The following KAZN variants were observed in gnomAD, a reference collection of about 807,000 sequenced individuals.
KAZN encodes the protein kazrin.
KAZN carries 40 observed loss-of-function variants against 87.4 expected under a neutral mutation model. The ratio of observed to expected loss-of-function variants is 0.46; its 90% CI spans 0.36 to 0.60. KAZN has a LOEUF of 0.60. Ranked by LOEUF, KAZN falls within the 20% of genes least tolerant of loss-of-function variation. The pLI is 0.00. For missense variants in KAZN, 898 were observed against 1,073.9 expected (o/e 0.84, Z 2.29); for synonymous variants, 466 against 458.3 (o/e 1.02, Z -0.22).
At chr1:14,389,458 C>A (rs1344634527) in intron 2 of KAZN, among the ~76,000 whole-genome samples, 2 of 147,934 alleles carry the variant, frequency 1.4e-5, no homozygotes, top group Non-Finnish European at 3.0e-5. Context: ...AACCTATATT[C>A]ATCAACAGAT....
intron 2 of KAZN, among the ~76,000 whole-genome samples, chr1:14,529,774 C>T (rs146243785): frequency 1.8e-4 from 28 of 152,304 alleles, no homozygotes; most frequent in Admixed American, 9.2e-4. Flanking sequence ...TGCTCAGGCA[C>T]GGACCAGGGC....
rs530822555 is a variant in KAZN, at chr1:14,325,763, A to G, written c.249+145171A>G. On this transcript the variant is annotated intron_variant, in intron 2 of 16. Transcript: ENST00000636203. ...CCAAGAGAAATAACAATAAGGAAAA[A>G]TGAGCAAAGCCTAAAAATTATTATA... 2.8e-4 allele frequency among the ~76,000 whole-genome samples: 43 copies of G among 152,328 alleles called. 1 individual carries two copies. The highest frequency in any genetic ancestry group is 9.6e-4 in the African/African-American group (40 of 41,584).
In KAZN at chr1:14,599,244, A is replaced by G. The variant is rs777659624; in HGVS notation, c.226+21A>G. On this transcript the variant is annotated intron_variant, in intron 1 of 14. Transcript: ENST00000376030. This position sits in a 1 kb window ranked among gnomAD's most constrained non-coding sequence, Gnocchi z 4.4. Reference sequence around the variant, plus strand: ...GCAAGGTAGGATCGCCCCGGCGCCCAGGGCGGAGGAAGGCGAGCAGAGCAC... The same window carrying G: ...GCAAGGTAGGATCGCCCCGGCGCCCGGGGCGGAGGAAGGCGAGCAGAGCAC... 15 of 1,350,634 alleles carry G rather than the reference A, an allele frequency of 1.1e-5. No individual in the cohort carries two copies. In the Admixed American group the frequency reaches 1.9e-4, roughly 18 times the overall value. The allele number at this position is 1,350,634 out of a possible 1,614,324, so 83.7% of individuals were successfully genotyped here.
chr1:14,853,363 G>A (rs1215739606), intron 1 of KAZN, among the ~76,000 whole-genome samples: 1 of 152,142 alleles, frequency 6.6e-6, no homozygotes, highest in African/African-American at 2.4e-5. Flanking sequence ...CCTGCCCAAT[G>A]TTACCTCGTG....
intron 2 of KAZN, among the ~76,000 whole-genome samples, chr1:14,508,642 CG>C (rs1251500164): frequency 1.3e-5 from 2 of 152,108 alleles, no homozygotes; most frequent in Non-Finnish European, 2.9e-5. Flanking sequence ...CAAGAGTTGC[CG>C]TAAGTGGAGG....
At chr1:14,641,786 C>T (rs1038217599) in intron 1 of KAZN, among the ~76,000 whole-genome samples, 1 of 152,206 alleles carries the variant, frequency 6.6e-6, no homozygotes, top group African/African-American at 2.4e-5. Flanking sequence ...ACACCAAAAG[C>T]ACAACTCATG....
rs1557563326 is a variant in KAZN, at chr1:14,860,119, C to CTT, written c.227-100565_227-100564insTT. Among the ~76,000 whole-genome samples the CTT allele has an allele frequency of 7.2e-5, 11 of 151,770 alleles. No individual in the cohort carries two copies. The East Asian group carries it at 1.4e-3, about 19-fold the overall frequency. On this transcript the variant is annotated intron_variant, in intron 1 of 14. Coordinates refer to ENST00000376030, the MANE Select transcript of KAZN (RefSeq NM_201628.3). ...CAGGAATAGGCCTTTTTCCTTCCTT[C>CTT]CTTCTTCCTTCCTTCCTTTCTTCCT... is the stretch of plus-strand genomic sequence containing the variant.
intron 2 of KAZN, among the ~76,000 whole-genome samples, chr1:14,335,445 C>T (rs937918242): frequency 7.2e-5 from 11 of 152,060 alleles, no homozygotes; most frequent in South Asian, 4.2e-4. Context: ...TCAGGTGATC[C>T]GTCCACCTCA....
chr1:14,502,028 ATTAG>A (rs1245170791), intron 2 of KAZN, among the ~76,000 whole-genome samples: 1 of 152,214 alleles, frequency 6.6e-6, no homozygotes, highest in Non-Finnish European at 1.5e-5. Flanking sequence ...AAGTTTTGAA[ATTAG>A]TTAGTGGTGA....
At chr1:14,942,409 G>T (rs1267200372) in intron 1 of KAZN, among the ~76,000 whole-genome samples, 4 of 152,210 alleles carry the variant, frequency 2.6e-5, no homozygotes, top group African/African-American at 9.6e-5. Context: ...GCAGGAGAAG[G>T]CTGACTTAGA....
At chr1:14,147,569 G>T (rs1645379292) in intron 1 of KAZN, among the ~76,000 whole-genome samples, 1 of 152,086 alleles carries the variant, frequency 6.6e-6, no homozygotes, top group Non-Finnish European at 1.5e-5. Flanking sequence ...CAAGGCGAGT[G>T]GATTACAAGG....
intron 2 of KAZN, among the ~76,000 whole-genome samples, chr1:14,285,531 G>C (rs1191216137): frequency 6.6e-6 from 1 of 152,194 alleles, no homozygotes; most frequent in African/African-American, 2.4e-5. Flanking sequence ...TGCAGTGTTT[G>C]TCTTCTTTGC....
chr1:14,771,421 G>A (rs1276423028), intron 1 of KAZN, among the ~76,000 whole-genome samples: 5 of 152,074 alleles, frequency 3.3e-5, no homozygotes, highest in Non-Finnish European at 7.4e-5. Context: ...AACCTTGATC[G>A]GGTCCTAATG....
chr1:14,321,408 A>G (rs1656043846), intron 2 of KAZN, among the ~76,000 whole-genome samples: 1 of 152,206 alleles, frequency 6.6e-6, no homozygotes. Context: ...TTTGGGTTAT[A>G]AAATATTGAT....
intron 2 of KAZN, among the ~76,000 whole-genome samples, chr1:14,471,837 CT>C (rs1338158399): frequency 6.6e-6 from 1 of 152,196 alleles, no homozygotes; most frequent in Non-Finnish European, 1.5e-5. Context: ...GGCTGTGAAA[CT>C]GCTTAACTTA....
chr1:14,246,959 T>A (rs1246762452), intron 2 of KAZN, among the ~76,000 whole-genome samples: 1 of 152,188 alleles, frequency 6.6e-6, no homozygotes, highest in African/African-American at 2.4e-5. Flanking sequence ...CATGCCGAAT[T>A]ATTTTCCAAA....
intron 1 of KAZN, among the ~76,000 whole-genome samples, chr1:14,767,198 T>A (rs1644907669): frequency 6.6e-6 from 1 of 152,080 alleles, no homozygotes; most frequent in African/African-American, 2.4e-5. Flanking sequence ...GTGGGGAAGG[T>A]TAGGATTAAG....
chr1:14,513,400 G>A (rs980456252), intron 2 of KAZN, among the ~76,000 whole-genome samples: 1 of 152,088 alleles, frequency 6.6e-6, no homozygotes, highest in African/African-American at 2.4e-5. Context: ...AGGCTCACTG[G>A]GTGGCTGGGA....
intron 2 of KAZN, among the ~76,000 whole-genome samples, chr1:14,480,173 T>C (rs887051296): frequency 2.6e-5 from 4 of 152,220 alleles, no homozygotes; most frequent in African/African-American, 9.6e-5. Context: ...CCTCTCCTCC[T>C]CTGTGCCCGC....
Sources: gnomAD v4.1 joint callset for allele counts (sites outside exome capture counted in the v4.1 genomes callset) on GRCh38, gnomAD v4.1.1 for gene constraint, Gnocchi (gnomAD v3.1) non-coding constraint, MANE v1.5 for transcripts, NCBI Gene and HGNC (gene_info 2026-07-23, HGNC 2026-07-21) for gene names.